CD300E: variants seen among roughly 807,000 people sequenced by gnomAD.
CD300E encodes CD300e molecule, also known as CMRF35-like molecule 2.
A neutral mutation model predicts 20.9 loss-of-function variants in CD300E; 14 were observed. The ratio of observed to expected loss-of-function variants is 0.67; its 90% CI spans 0.44 to 1.05. The LOEUF (loss-of-function observed/expected upper bound fraction) is 1.05. Ranked by LOEUF, CD300E falls within the 50% of genes least tolerant of loss-of-function variation. The pLI is 0.00. For missense variants in CD300E, 237 were observed against 253.9 expected (o/e 0.93, Z 0.45); for synonymous variants, 102 against 103.7 (o/e 0.98, Z 0.10).
At chr17:74,615,474 T>A (rs1350971837) in intron 2 of CD300E, among the ~76,000 whole-genome samples, 2 of 152,168 alleles carry the variant, frequency 1.3e-5, no homozygotes, top group Admixed American at 6.5e-5. Flanking sequence ...GGAAAGAAAC[T>A]GATGTCCTGT....
At chr17:74,622,826 C>CTT (rs1283942877) in intron 1 of CD300E, among the ~76,000 whole-genome samples, 2 of 152,122 alleles carry the variant, frequency 1.3e-5, no homozygotes, top group Non-Finnish European at 2.9e-5. Context: ...CAACCTCCGC[C>CTT]TCCCAAGTTC....
intron 1 of CD300E, among the ~76,000 whole-genome samples, chr17:74,622,060 T>C (rs538827329): frequency 1.3e-5 from 2 of 152,054 alleles, no homozygotes; most frequent in Non-Finnish European, 1.5e-5. Flanking sequence ...TGCTTTGACC[T>C]CCCAAAGCAC....
chr17:74,618,418 C>A (rs1048677534), intron 1 of CD300E, among the ~76,000 whole-genome samples: 1 of 152,108 alleles, frequency 6.6e-6, no homozygotes, highest in African/African-American at 2.4e-5. Flanking sequence ...CTCAGAGTAA[C>A]CTGAGTTCAC....
intron 2 of CD300E, among the ~76,000 whole-genome samples, chr17:74,614,674 G>A (rs2030861574): frequency 6.6e-6 from 1 of 152,078 alleles, no homozygotes; most frequent in Non-Finnish European, 1.5e-5. Flanking sequence ...TTGAGATGGG[G>A]TTTCTCCATG....
intron 1 of CD300E, among the ~76,000 whole-genome samples, chr17:74,620,164 C>G (rs577492160): frequency 9.9e-5 from 15 of 152,110 alleles, no homozygotes; most frequent in Non-Finnish European, 1.9e-4. Flanking sequence ...TGGTGAAATC[C>G]TGTCTCTACT....
At chr17:74,613,793 T>C (rs2030835235) in intron 3 of CD300E, 132 bp downstream of exon 3, 3 of 621,836 alleles carry the variant, frequency 4.8e-6, no homozygotes, top group Non-Finnish European at 8.8e-6. Flanking sequence ...CCTCAGAGAG[T>C]ATGAGAATCA....
At chr17:74,614,366 A>C (rs1218203329) in intron 2 of CD300E, among the ~76,000 whole-genome samples, 1 of 152,046 alleles carries the variant, frequency 6.6e-6, no homozygotes, top group Non-Finnish European at 1.5e-5. Flanking sequence ...GTGGAGTTCC[A>C]GGAGGAGGAG....
In CD300E at chr17:74,617,180, A is replaced by G. The variant is rs1226999603; in HGVS notation, c.326T>C (p.Val109Ala). 1.9e-6 allele frequency: 3 copies of G among 1,613,942 alleles called. No individual in the cohort carries two copies. The highest frequency in any genetic ancestry group is 2.5e-6 in the Non-Finnish European group (3 of 1,180,020). Residue 109 changes from valine (V) to alanine (A), a missense_variant, in exon 2 of 4, where the codon GTG becomes GCG. Coordinates refer to ENST00000392619, the MANE Select transcript of CD300E (RefSeq NM_181449.3). Reference sequence around the variant, plus strand: ...GCGTGACCATGAATCCAGGACCCACACTGTCTGAATTTTGCACCAGTAAGA... The same window carrying G: ...GCGTGACCATGAATCCAGGACCCACGCTGTCTGAATTTTGCACCAGTAAGA... The part of the protein sequence containing the change: ...AGSYWCKIQT[V>A]WVLDSWSRDP...
At position 74,610,182 on chromosome 17, in the gene CD300E, C is replaced by T. The variant is rs1440745780; in HGVS notation, c.*2471G>A. 1 of 152,446 alleles carries T rather than the reference C, an allele frequency of 6.6e-6. No individual in the cohort carries two copies. Among genetic ancestry groups the T allele is most frequent in the Non-Finnish European group, 1.5e-5 (1 of 68,160 alleles). 9.4% of individuals were successfully genotyped at this position (152,446 alleles called of 1,614,324 possible). ...CCTCCTCCACCTCTCTAGCTCTGCT[C>T]TCCTCCTTGAAACATTCATGGCTCT... On this transcript the variant is annotated 3_prime_UTR_variant, in exon 4 of 4. Coordinates refer to ENST00000392619, the MANE Select transcript of CD300E (RefSeq NM_181449.3).
Position 74,610,849 on chromosome 17 carries a change from C to T in CD300E, c.*1804G>A, listed in dbSNP as rs2030760631. On this transcript the variant is annotated 3_prime_UTR_variant, in exon 4 of 4. Coordinates refer to ENST00000392619, the MANE Select transcript of CD300E (RefSeq NM_181449.3). ...TTGCTGATAGGTCTTCTATAAGTGACTATTGTTATGAAGATTATTTCCCGC... is the reference window on the plus strand; with the variant it reads ...TTGCTGATAGGTCTTCTATAAGTGATTATTGTTATGAAGATTATTTCCCGC... The T allele has an allele frequency of 6.6e-6, 1 of 152,282 alleles. No individual in the cohort carries two copies. The highest frequency in any genetic ancestry group is 6.5e-5 in the Admixed American group (1 of 15,286). The allele number at this position is 152,282 out of a possible 1,614,324, so 9.4% of individuals were successfully genotyped here.
intron 3 of CD300E, among the ~76,000 whole-genome samples, chr17:74,613,554 C>T (rs1166689227): frequency 1.3e-5 from 2 of 152,224 alleles, no homozygotes; most frequent in African/African-American, 2.4e-5. Flanking sequence ...ACCCCACAGA[C>T]AGCTCCTGGT....
chr17:74,620,885 A>C (rs894672064), intron 1 of CD300E, among the ~76,000 whole-genome samples: 2 of 152,054 alleles, frequency 1.3e-5, no homozygotes, highest in African/African-American at 4.8e-5. Flanking sequence ...TCTACTAAAA[A>C]TACAAAAATT....
chr17:74,619,227 G>A (rs546647746), intron 1 of CD300E: 6 of 451,434 alleles, frequency 1.3e-5, no homozygotes, highest in African/African-American at 1.2e-4. Flanking sequence ...CAAAGGGCTT[G>A]TCACAGCCAA....
rs538863860 is a variant in CD300E, at chr17:74,622,491, T to G, written c.40+1091A>C. Among the ~76,000 whole-genome samples the G allele has an allele frequency of 3.3e-5, 5 of 152,270 alleles. No homozygotes were observed. The South Asian group carries it at 6.2e-4, about 19-fold the overall frequency. On this transcript the variant is annotated intron_variant, in intron 1 of 3. Transcript: ENST00000392619. ...TCTAGAAAGAATCTTGTCATTACAT[T>G]GGGCAATTTCTATGTTTTGTGAGGG... is the stretch of plus-strand genomic sequence containing the variant.
At chr17:74,622,840 C>T (rs1003096057) in intron 1 of CD300E, among the ~76,000 whole-genome samples, 4 of 152,018 alleles carry the variant, frequency 2.6e-5, no homozygotes, top group African/African-American at 4.8e-5. Context: ...CAAGTTCAAG[C>T]GATCCTCCTG....
chr17:74,621,593 G>A (rs1426320339), intron 1 of CD300E, among the ~76,000 whole-genome samples: 1 of 152,226 alleles, frequency 6.6e-6, no homozygotes, highest in African/African-American at 2.4e-5. Context: ...TGTGCTTGCT[G>A]GTTGCTTGAG....
chr17:74,623,659 G>C lies in CD300E; in HGVS notation c.-38C>G. Reference sequence around the variant, plus strand: ...TTGGCTTCCGTCCTCAGCAAATCTAGGTCCCAGCTGGAATCCAAGTATATG... The same window carrying C: ...TTGGCTTCCGTCCTCAGCAAATCTACGTCCCAGCTGGAATCCAAGTATATG... On this transcript the variant is annotated 5_prime_UTR_variant, in exon 1 of 4. Transcript: ENST00000392619. The C allele has an allele frequency of 3.1e-6, 5 of 1,612,428 alleles. No homozygotes were observed. Among genetic ancestry groups the C allele is most frequent in the South Asian group, 1.1e-5 (1 of 91,048 alleles).
intron 1 of CD300E, chr17:74,619,066 C>A (rs1468477796): frequency 4.2e-6 from 2 of 471,110 alleles, no homozygotes; most frequent in South Asian, 1.6e-5. Flanking sequence ...CAGCTGCACA[C>A]CCCTCCTGAG....
In CD300E at chr17:74,612,777, T is replaced by G; in HGVS notation, c.498-4A>C. On this transcript the variant is annotated splice_region_variant and splice_polypyrimidine_tract_variant and intron_variant, in intron 3 of 3. Coordinates refer to ENST00000392619, the MANE Select transcript of CD300E (RefSeq NM_181449.3). The stretch of plus-strand genomic sequence containing the variant: ...GTGAGGGCTGCTGAGCCGGAACCTG[T>G]GGTGGACACGGTGAAAATGAGTCAC... The G allele has an allele frequency of 1.9e-6, 3 of 1,613,692 alleles. No homozygotes were observed. In the South Asian group the frequency reaches 3.3e-5, roughly 18 times the overall value.
Sources: allele counts gnomAD v4.1 joint callset (sites outside exome capture counted in the v4.1 genomes callset), GRCh38; gene constraint gnomAD v4.1.1; transcripts MANE v1.5; gene names NCBI Gene and HGNC (gene_info 2026-07-23, HGNC 2026-07-21).